The following PCDHA11 variants were observed in gnomAD, a reference collection of about 807,000 sequenced individuals.
PCDHA11 encodes protocadherin alpha 11.
A neutral mutation model predicts 70.3 loss-of-function variants in PCDHA11; 61 were observed. The ratio of observed to expected loss-of-function variants is 0.87; its 90% CI spans 0.71 to 1.07. The LOEUF is 1.07. Ranked by LOEUF, PCDHA11 falls within the 50% of genes least tolerant of loss-of-function variation. The pLI is 0.00. For synonymous variants in PCDHA11, 633 were observed against 555.1 expected (o/e 1.14, Z -1.97); for missense variants, 1,324 against 1,237.5 (o/e 1.07, Z -1.05).
At chr5:140,926,974 G>C (rs145276602) in intron 1 of PCDHA11, 2 of 1,610,140 alleles carry the variant, frequency 1.2e-6, no homozygotes, top group East Asian at 2.2e-5. Context: ...CTCAGTGCCG[G>C]AGGAGACGGA....
intron 1 of PCDHA11, among the ~76,000 whole-genome samples, chr5:140,900,485 C>T (rs577392455): frequency 6.6e-5 from 10 of 152,310 alleles, no homozygotes; most frequent in African/African-American, 2.2e-4. Flanking sequence ...CCATGTTGGT[C>T]AGACTGGTCT....
chr5:140,883,868 C>G lies in PCDHA11; in HGVS notation c.2391+12374C>G, dbSNP rs782022578. ...CGAGGAGCTGGAGCTGTTGCAGTTC[C>G]AGGTGAGCGCGCGCGACTCTGGCGT... On this transcript the variant is annotated intron_variant, in intron 1 of 3. Coordinates refer to ENST00000398640, the MANE Select transcript of PCDHA11 (RefSeq NM_018902.5). 9.9e-6 allele frequency: 16 copies of G among 1,613,048 alleles called. No homozygotes were observed. The Admixed American group carries it at 2.5e-4, about 25-fold the overall frequency.
In PCDHA11 at chr5:140,870,717, T is replaced by C. The variant is rs782672690; in HGVS notation, c.1614T>C (p.Asp538=). Residue 538 remains aspartate, a synonymous_variant, in exon 1 of 4, where the codon GAT becomes GAC. Transcript: ENST00000398640. Reference sequence around the variant, plus strand: ...TACAGTTCCAGGTGAGCGCGCGCGATGCGGGCGTGCCGCCTCTGAGCAGCA... The same window carrying C: ...TACAGTTCCAGGTGAGCGCGCGCGACGCGGGCGTGCCGCCTCTGAGCAGCA... ...ELLQFQVSAR[D]AGVPPLSSNV... 7 of 1,613,062 alleles carry C rather than the reference T, an allele frequency of 4.3e-6. No individual in the cohort carries two copies. The highest frequency in any genetic ancestry group is 2.2e-5 in the South Asian group (2 of 91,076).
Position 141,010,021 on chromosome 5 carries a change from T to C in PCDHA11, c.*84T>C. 1 of 1,572,108 alleles carries C rather than the reference T, an allele frequency of 6.4e-7. No individual in the cohort carries two copies. The highest frequency in any genetic ancestry group is 1.9e-5 in the Admixed American group (1 of 52,756). On this transcript the variant is annotated 3_prime_UTR_variant, in exon 4 of 4. Coordinates refer to ENST00000398640, the MANE Select transcript of PCDHA11 (RefSeq NM_018902.5). ...CATGTAGCAATTCCCTGCTCCTTTTTCCTATCTACATGAGCCCTCTTAGAG... is the reference window on the plus strand; with the variant it reads ...CATGTAGCAATTCCCTGCTCCTTTTCCCTATCTACATGAGCCCTCTTAGAG...
chr5:140,929,870 A>T (rs1056539262), intron 1 of PCDHA11: 1 of 153,262 alleles, frequency 6.5e-6, no homozygotes, highest in Admixed American at 6.5e-5. Flanking sequence ...AGGCTTTGTG[A>T]TAGAGATCAC....
At chr5:140,937,954 G>A (rs1209058625) in intron 1 of PCDHA11, among the ~76,000 whole-genome samples, 2 of 151,226 alleles carry the variant, frequency 1.3e-5, no homozygotes, top group Non-Finnish European at 2.9e-5. Context: ...GGCTTTTGTT[G>A]AAAGTATATA....
intron 1 of PCDHA11, among the ~76,000 whole-genome samples, chr5:140,972,693 C>A (rs1358194667): frequency 2.3e-5 from 3 of 130,312 alleles, no homozygotes; most frequent in East Asian, 4.7e-4. Flanking sequence ...GAGATGGAGT[C>A]TCACTCTGTT....
intron 1 of PCDHA11, chr5:140,969,509 C>A: frequency 7.1e-7 from 1 of 1,416,136 alleles, no homozygotes; most frequent in Non-Finnish European, 9.4e-7. Context: ...AAAAATAGCA[C>A]TAAAGAATTG....
chr5:140,966,113 A>T (rs1224729629), intron 1 of PCDHA11: 1 of 155,768 alleles, frequency 6.4e-6, no homozygotes, highest in African/African-American at 2.4e-5. Flanking sequence ...GGGTGCCCAT[A>T]CTTAGCTAAG....
At chr5:140,968,041 C>T (rs1554230247) in intron 1 of PCDHA11, 1 of 1,614,140 alleles carries the variant, frequency 6.2e-7, no homozygotes, top group Non-Finnish European at 8.5e-7. Context: ...TGGTGAGCGG[C>T]CCACTGGACC....
intron 3 of PCDHA11, among the ~76,000 whole-genome samples, chr5:140,998,621 A>G (rs1167341355): frequency 5.3e-5 from 8 of 151,758 alleles, no homozygotes; most frequent in Admixed American, 3.9e-4. Context: ...CTGGAGTGCA[A>G]TGGCACAATC....
chr5:140,950,917 A>G (rs1270492994), intron 1 of PCDHA11, among the ~76,000 whole-genome samples: 10 of 151,524 alleles, frequency 6.6e-5, no homozygotes, highest in African/African-American at 2.4e-4. Context: ...ATTTTATTTC[A>G]GTTCTTTTTC....
chr5:140,985,683 G>A (rs926848363), intron 3 of PCDHA11, among the ~76,000 whole-genome samples: 3 of 151,224 alleles, frequency 2.0e-5, no homozygotes, highest in African/African-American at 7.3e-5. Context: ...CCTGCCTTAC[G>A]CTAATCCTCG....
chr5:140,935,388 T>C (rs2090344079), intron 1 of PCDHA11, among the ~76,000 whole-genome samples: 1 of 152,240 alleles, frequency 6.6e-6, no homozygotes, highest in African/African-American at 2.4e-5. Context: ...TCATTTGTTA[T>C]CCCACGGGAC....
At chr5:140,989,437 A>G (rs1330784508) in intron 3 of PCDHA11, among the ~76,000 whole-genome samples, 1 of 152,138 alleles carries the variant, frequency 6.6e-6, no homozygotes, top group East Asian at 1.9e-4. Flanking sequence ...AAAATTGCTG[A>G]GGTTGTTTAG....
chr5:140,949,664 A>T (rs2094409163), intron 1 of PCDHA11, among the ~76,000 whole-genome samples: 1 of 151,578 alleles, frequency 6.6e-6, no homozygotes, highest in African/African-American at 2.4e-5. Context: ...TTGTTTCTTT[A>T]AAGTATGCCC....
At chr5:140,978,424 TCA>T (rs2096801674) in intron 1 of PCDHA11, among the ~76,000 whole-genome samples, 1 of 152,238 alleles carries the variant, frequency 6.6e-6, no homozygotes, top group Non-Finnish European at 1.5e-5. Flanking sequence ...GAGACTGTTA[TCA>T]GTTGCTGGTG....
intron 1 of PCDHA11, chr5:140,875,959 G>A: frequency 1.2e-6 from 2 of 1,614,070 alleles, no homozygotes; most frequent in South Asian, 1.1e-5. Flanking sequence ...TGCGGATATC[G>A]GCGTAAACTC....
intron 1 of PCDHA11, among the ~76,000 whole-genome samples, chr5:140,901,330 C>T (rs576918477): frequency 6.6e-6 from 1 of 152,108 alleles, no homozygotes; most frequent in African/African-American, 2.4e-5. Flanking sequence ...TTCTTGTAGT[C>T]GTTTTATAGT....
Sources: allele counts gnomAD v4.1 joint callset (sites outside exome capture counted in the v4.1 genomes callset), GRCh38; gene constraint gnomAD v4.1.1; transcripts MANE v1.5; gene names NCBI Gene and HGNC (gene_info 2026-07-23, HGNC 2026-07-21).